The following CASP8 variants were observed in gnomAD, a reference collection of about 807,000 sequenced individuals.
CASP8 encodes caspase 8.
Under a neutral mutation model 46.3 loss-of-function variants are expected in CASP8, and 24 were observed. The ratio of observed to expected loss-of-function variants is 0.52; its 90% confidence interval spans 0.38 to 0.73. CASP8 has a LOEUF of 0.73. Ranked by LOEUF, CASP8 falls within the 30% of genes least tolerant of loss-of-function variation. The pLI, the probability that CASP8 is intolerant of heterozygous loss-of-function variation, is 0.00. For synonymous variants in CASP8, 188 were observed against 200.4 expected (o/e 0.94, Z 0.52); for missense variants, 460 against 559.0 (o/e 0.82, Z 1.79).
At chr2:201,263,180 T>C (rs1249392459) in intron 1 of CASP8, among the ~76,000 whole-genome samples, 2 of 152,212 alleles carry the variant, frequency 1.3e-5, no homozygotes, top group Non-Finnish European at 2.9e-5. Context: ...GAAAATGCTA[T>C]TGAATGTGTA....
At chr2:201,251,322 C>T (rs939396264) in intron 2 of CASP8, among the ~76,000 whole-genome samples, 7 of 152,092 alleles carry the variant, frequency 4.6e-5, no homozygotes, top group African/African-American at 7.2e-5. Context: ...TGGCCAGGCG[C>T]GGTGGCTCAT....
At chr2:201,243,903 G>T (rs1946403239) in intron 2 of CASP8, among the ~76,000 whole-genome samples, 1 of 152,230 alleles carries the variant, frequency 6.6e-6, no homozygotes, top group Non-Finnish European at 1.5e-5. Context: ...AGGGAGTGAA[G>T]GGTCGGGGGG....
chr2:201,244,384 T>C lies in CASP8; in HGVS notation c.-27+10272T>C, dbSNP rs560622685. Among the ~76,000 whole-genome samples the C allele has an allele frequency of 1.9e-3, 297 of 152,316 alleles. 1 individual carries two copies. The highest frequency in any genetic ancestry group is 3.5e-3 in the Non-Finnish European group (240 of 68,006). ...CTTGGAAGTCACACAGTCTATTCTG[T>C]AGGAGAGAGAGAAGGAAGGTTAGAT... On this transcript the variant is annotated intron_variant, in intron 2 of 6. Coordinates refer to the CASP8 transcript ENST00000264274.
At chr2:201,247,667 T>C (rs1452269083) in intron 2 of CASP8, among the ~76,000 whole-genome samples, 37 of 150,150 alleles carry the variant, frequency 2.5e-4, no homozygotes, top group Non-Finnish European at 2.5e-4. Flanking sequence ...TTTTTTGAGA[T>C]GGAGTCTCGC....
chr2:201,238,913 G>C (rs887409144), intron 2 of CASP8, among the ~76,000 whole-genome samples: 4 of 152,042 alleles, frequency 2.6e-5, no homozygotes, highest in African/African-American at 7.2e-5. Flanking sequence ...AGGACCCTGC[G>C]GCCTTCCGCA....
intron 1 of CASP8, among the ~76,000 whole-genome samples, chr2:201,265,830 C>T (rs936930638): frequency 3.3e-5 from 5 of 152,120 alleles, no homozygotes; most frequent in African/African-American, 1.2e-4. Flanking sequence ...TAATTGTTTC[C>T]TGTAAGAATT....
intron 7 of CASP8, chr2:201,277,756 A>C: frequency 2.4e-6 from 1 of 421,984 alleles, no homozygotes; most frequent in Non-Finnish European, 4.6e-6. Flanking sequence ...GCTGGAGTGC[A>C]GTGGTGTGAT....
intron 7 of CASP8, among the ~76,000 whole-genome samples, chr2:201,279,691 G>A (rs947527295): frequency 2.6e-5 from 4 of 152,298 alleles, no homozygotes; most frequent in Admixed American, 6.5e-5. Flanking sequence ...TGGTACGGTG[G>A]CGTGAAAATC....
chr2:201,247,307 C>T (rs769710273), intron 2 of CASP8, among the ~76,000 whole-genome samples: 2 of 150,162 alleles, frequency 1.3e-5, no homozygotes, highest in African/African-American at 4.9e-5. Context: ...CAGGGTGAGA[C>T]TTTTCTTTTA....
chr2:201,264,528 C>T (rs533991180), intron 1 of CASP8, among the ~76,000 whole-genome samples: 10 of 152,120 alleles, frequency 6.6e-5, no homozygotes, highest in East Asian at 1.9e-4. Context: ...CCTAGAGCAA[C>T]GATTGACACG....
At chr2:201,252,266 G>GGTTTTT (rs1228500374) in intron 2 of CASP8, among the ~76,000 whole-genome samples, 5 of 152,040 alleles carry the variant, frequency 3.3e-5, no homozygotes, top group African/African-American at 9.6e-5. Context: ...ATAACAGCAT[G>GGTTTTT]GTTTTTGTTT....
intron 1 of CASP8, among the ~76,000 whole-genome samples, chr2:201,261,512 G>A (rs1947407118): frequency 6.6e-6 from 1 of 152,156 alleles, no homozygotes; most frequent in Non-Finnish European, 1.5e-5. Context: ...TACAGGTGAA[G>A]TTGCAAGTTT....
intron 6 of CASP8, among the ~76,000 whole-genome samples, 188 bp downstream of exon 6, chr2:201,275,141 C>A (rs1948548105): frequency 6.6e-6 from 1 of 151,666 alleles, no homozygotes; most frequent in East Asian, 1.9e-4. Flanking sequence ...AAATGTGACT[C>A]CTTCAGTTTT....
At chr2:201,275,444 T>A (rs1234383767) in intron 6 of CASP8, among the ~76,000 whole-genome samples, 2 of 152,244 alleles carry the variant, frequency 1.3e-5, no homozygotes, top group Admixed American at 6.5e-5. Flanking sequence ...TTTTTAGGCA[T>A]AATAACTTCT....
At chr2:201,281,894 A>G in intron 7 of CASP8, 7 of 1,490,464 alleles carry the variant, frequency 4.7e-6, no homozygotes, top group Non-Finnish European at 6.3e-6. Flanking sequence ...TCCAGCTACG[A>G]ATATAGAGGG....
intron 2 of CASP8, among the ~76,000 whole-genome samples, chr2:201,239,302 G>A (rs1241500129): frequency 1.3e-5 from 2 of 152,178 alleles, no homozygotes; most frequent in East Asian, 3.9e-4. Context: ...CAGACGGGGT[G>A]GTGGCCGGGC....
intron 2 of CASP8, among the ~76,000 whole-genome samples, chr2:201,253,781 A>G (rs1394148618): frequency 6.6e-6 from 1 of 152,112 alleles, no homozygotes; most frequent in African/African-American, 2.4e-5. Flanking sequence ...TTCTATGCCC[A>G]AACCTTTAAG....
intron 1 of CASP8, among the ~76,000 whole-genome samples, chr2:201,263,787 A>G (rs1194094003): frequency 1.3e-5 from 2 of 152,228 alleles, no homozygotes; most frequent in African/African-American, 4.8e-5. Flanking sequence ...ACAGGGTTAG[A>G]TCTAGTTTAG....
intron 5 of CASP8, 95 bp from the exon 6 acceptor site, chr2:201,274,794 A>T: frequency 9.9e-7 from 1 of 1,007,186 alleles, no homozygotes; most frequent in South Asian, 1.4e-5. Context: ...TCATCTTAAA[A>T]AAGACCTTAT....
Sources: allele counts gnomAD v4.1 joint callset (sites outside exome capture counted in the v4.1 genomes callset), GRCh38; gene constraint gnomAD v4.1.1; transcripts MANE v1.5; gene names NCBI Gene and HGNC (gene_info 2026-07-23, HGNC 2026-07-21).